Variants in RPS6KC1 observed in about 807,000 individuals in gnomAD.
RPS6KC1 encodes the protein ribosomal protein S6 kinase C1, also known as inactive ribosomal protein S6 kinase delta-1.
In RPS6KC1, 54 loss-of-function variants were observed where a neutral mutation model predicts 103.8. That is an observed-to-expected ratio of 0.52 (90% CI 0.42 to 0.65). The LOEUF is 0.65. Ranked by LOEUF, RPS6KC1 falls within the 30% of genes least tolerant of loss-of-function variation. RPS6KC1 has a pLI of 0.00. For synonymous variants in RPS6KC1, 439 were observed against 438.7 expected (o/e 1.00, Z -0.01); for missense variants, 1,151 against 1,253.8 (o/e 0.92, Z 1.24).
chr1:213,665,348 A>G, the RPS6KC1 span, among the ~76,000 whole-genome samples: 1 of 152,150 alleles, frequency 6.6e-6, no homozygotes, highest in Non-Finnish European at 1.5e-5. Flanking sequence ...AAAAATCAAT[A>G]GAAAGGTAGA....
chr1:213,255,326 A>C (rs1236735459), intron 12 of RPS6KC1, among the ~76,000 whole-genome samples: 1 of 151,936 alleles, frequency 6.6e-6, no homozygotes, highest in Non-Finnish European at 1.5e-5. Context: ...AACCTTAAAA[A>C]AAAAAAAAAG....
At chr1:213,745,770 G>T in the RPS6KC1 span, among the ~76,000 whole-genome samples, 1 of 152,134 alleles carries the variant, frequency 6.6e-6, no homozygotes, top group African/African-American at 2.4e-5. Context: ...AGTGACTCCC[G>T]TCCTCCCGCA....
the RPS6KC1 span, among the ~76,000 whole-genome samples, chr1:213,773,156 A>C: frequency 6.6e-6 from 1 of 152,070 alleles, no homozygotes; most frequent in African/African-American, 2.4e-5. Context: ...AGGTGGATGC[A>C]GAAGAGGGTG....
the RPS6KC1 span, among the ~76,000 whole-genome samples, chr1:213,547,157 A>G: frequency 6.6e-6 from 1 of 152,208 alleles, no homozygotes; most frequent in Non-Finnish European, 1.5e-5. Context: ...ATCACATCAT[A>G]TTAAAGGTAC....
chr1:213,600,101 G>A, the RPS6KC1 span, among the ~76,000 whole-genome samples: 2 of 152,170 alleles, frequency 1.3e-5, no homozygotes, highest in East Asian at 3.9e-4. Context: ...CTTGGCTCGC[G>A]CTTCCCTCTC....
intron 6 of RPS6KC1, among the ~76,000 whole-genome samples, chr1:213,134,781 G>A (rs1204985803): frequency 6.6e-6 from 1 of 152,124 alleles, no homozygotes; most frequent in Non-Finnish European, 1.5e-5. Context: ...ATAAAGGGAA[G>A]CAAGTCATGT....
the RPS6KC1 span, among the ~76,000 whole-genome samples, chr1:213,434,158 C>T: frequency 2.6e-5 from 4 of 151,106 alleles, no homozygotes; most frequent in African/African-American, 9.7e-5. Flanking sequence ...ACTGTTCTCC[C>T]ATTATTTGTA....
At chr1:213,066,977 T>C (rs941888259) in intron 1 of RPS6KC1, among the ~76,000 whole-genome samples, 19 of 152,138 alleles carry the variant, frequency 1.2e-4, no homozygotes, top group Non-Finnish European at 1.9e-4. Flanking sequence ...GAGATAACCA[T>C]TAATACATAC....
chr1:213,376,193 A>G, the RPS6KC1 span, among the ~76,000 whole-genome samples: 1 of 152,086 alleles, frequency 6.6e-6, no homozygotes, highest in Non-Finnish European at 1.5e-5. Flanking sequence ...ACAAAACAAT[A>G]TCTAGTACTG....
At chr1:213,152,582 T>C (rs1260699785) in intron 6 of RPS6KC1, among the ~76,000 whole-genome samples, 2 of 124,670 alleles carry the variant, frequency 1.6e-5, no homozygotes, top group South Asian at 2.7e-4. Context: ...CGGGCAGAGG[T>C]GCTCCTCACA....
the RPS6KC1 span, among the ~76,000 whole-genome samples, chr1:213,602,528 C>A: frequency 6.6e-6 from 1 of 151,946 alleles, no homozygotes; most frequent in African/African-American, 2.4e-5. Flanking sequence ...CCATTGCGCC[C>A]GGCCTGGTGT....
chr1:213,720,936 G>A, the RPS6KC1 span, among the ~76,000 whole-genome samples: 3,995 of 152,304 alleles, frequency 0.026, 66 homozygotes, highest in Non-Finnish European at 0.039. Flanking sequence ...TGAGTTAAAA[G>A]TATATATGTA....
At chr1:213,766,765 C>A in the RPS6KC1 span, among the ~76,000 whole-genome samples, 18 of 152,092 alleles carry the variant, frequency 1.2e-4, no homozygotes, top group Admixed American at 5.2e-4. Flanking sequence ...TATTCCTCTC[C>A]CTTTTCTCAC....
chr1:213,432,223 T>C, the RPS6KC1 span, among the ~76,000 whole-genome samples: 3 of 152,354 alleles, frequency 2.0e-5, no homozygotes, highest in East Asian at 5.8e-4. Flanking sequence ...GCAAATATCT[T>C]TCCCCATTCC....
chr1:213,347,621 T>C, the RPS6KC1 span, among the ~76,000 whole-genome samples: 1 of 152,282 alleles, frequency 6.6e-6, no homozygotes, highest in East Asian at 1.9e-4. Context: ...AGAGAATCAC[T>C]TGAGCCCAGG....
At chr1:213,462,086 T>C in the RPS6KC1 span, among the ~76,000 whole-genome samples, 4 of 151,782 alleles carry the variant, frequency 2.6e-5, no homozygotes, top group East Asian at 1.9e-4. Flanking sequence ...AAAAACCCCA[T>C]CAAAAAGTGG....
At chr1:213,765,836 T>C in the RPS6KC1 span, among the ~76,000 whole-genome samples, 1 of 151,980 alleles carries the variant, frequency 6.6e-6, no homozygotes, top group Non-Finnish European at 1.5e-5. Context: ...TATAAAAAAA[T>C]TTTTATAATA....
At chr1:213,194,141 G>T (rs2092851767) in intron 8 of RPS6KC1, among the ~76,000 whole-genome samples, 1 of 152,056 alleles carries the variant, frequency 6.6e-6, no homozygotes, top group Non-Finnish European at 1.5e-5. Flanking sequence ...CTTCTGCTCT[G>T]CATGGTTTCC....
chr1:213,785,243 C>T, the RPS6KC1 span, among the ~76,000 whole-genome samples: 1 of 152,036 alleles, frequency 6.6e-6, no homozygotes, highest in African/African-American at 2.4e-5. Flanking sequence ...GCTTAATAGC[C>T]TGGAGTTTCA....
Sources: gnomAD v4.1 joint callset for allele counts (sites outside exome capture counted in the v4.1 genomes callset) on GRCh38, gnomAD v4.1.1 for gene constraint, MANE v1.5 for transcripts, NCBI Gene and HGNC (gene_info 2026-07-23, HGNC 2026-07-21) for gene names.